The following MAD1L1 variants were observed in gnomAD, a reference collection of about 807,000 sequenced individuals.
MAD1L1 encodes mitotic spindle assembly checkpoint protein MAD1.
A neutral mutation model predicts 96.9 loss-of-function variants in MAD1L1; 95 were observed. The ratio of observed to expected loss-of-function variants is 0.98; its 90% confidence interval spans 0.83 to 1.16. MAD1L1 has a LOEUF of 1.16. Ranked by LOEUF, MAD1L1 falls within the 50% of genes most tolerant of loss-of-function variation. MAD1L1 has a pLI of 0.00. For synonymous variants in MAD1L1, 473 were observed against 396.6 expected, an observed-to-expected ratio of 1.19 and a Z score of -2.29; for missense variants, 1,007 against 954.4, an observed-to-expected ratio of 1.06 and a Z score of -0.73.
intron 18 of MAD1L1, chr7:1,838,591 C>A: frequency 2.7e-6 from 1 of 368,470 alleles, no homozygotes. Context: ...AGACCACTCG[C>A]CGCTGAGCCC....
intron 17 of MAD1L1, among the ~76,000 whole-genome samples, chr7:1,905,519 G>C (rs1213296668): frequency 6.7e-6 from 1 of 150,046 alleles, no homozygotes; most frequent in Non-Finnish European, 1.5e-5. Flanking sequence ...TCCAGGCAGC[G>C]AGGACACAGT....
At chr7:2,160,477 C>T (rs1286420284) in intron 10 of MAD1L1, among the ~76,000 whole-genome samples, 2 of 151,652 alleles carry the variant, frequency 1.3e-5, no homozygotes, top group East Asian at 2.0e-4. Flanking sequence ...GGACTACAGG[C>T]GCCCACCACC....
Position 2,069,286 on chromosome 7 carries a change from C to T in MAD1L1, c.1126G>A (p.Val376Ile). 1 of 1,610,390 alleles carries T rather than the reference C, an allele frequency of 6.2e-7. No individual in the cohort carries two copies. Among genetic ancestry groups the T allele is most frequent in the Non-Finnish European group, 8.5e-7 (1 of 1,179,364 alleles). ...CTCTCCTCCAACAGCTGGCCGCTGACCTGCCGGAGCTCCTCCTGCAGCTGC... is the reference window on the plus strand; with the variant it reads ...CTCTCCTCCAACAGCTGGCCGCTGATCTGCCGGAGCTCCTCCTGCAGCTGC... ...RQQLQEELRQ[V>I]SGQLLEERKK... is the part of the protein sequence containing the mutation. Residue 376 changes from valine to isoleucine, a missense_variant, in exon 12 of 19, where the codon GTC becomes ATC. Transcript: ENST00000265854.
chr7:2,059,945 C>A (rs1245842710), intron 12 of MAD1L1, among the ~76,000 whole-genome samples: 1 of 152,194 alleles, frequency 6.6e-6, no homozygotes, highest in Non-Finnish European at 1.5e-5. Flanking sequence ...ATGTAAGAAT[C>A]TACCCTAAAA....
At chr7:2,166,793 C>T (rs1277766657) in intron 10 of MAD1L1, among the ~76,000 whole-genome samples, 4 of 152,200 alleles carry the variant, frequency 2.6e-5, no homozygotes, top group African/African-American at 9.6e-5. Context: ...TGGCAGGGAG[C>T]TGCAGGGCCT....
intron 18 of MAD1L1, among the ~76,000 whole-genome samples, chr7:1,881,083 T>A (rs1031758003): frequency 4.6e-5 from 7 of 152,130 alleles, no homozygotes; most frequent in African/African-American, 1.7e-4. Context: ...AACTGCTCCA[T>A]TACATACCTG....
At chr7:2,194,110 A>ATT (rs1379769868) in intron 10 of MAD1L1, among the ~76,000 whole-genome samples, 2 of 151,414 alleles carry the variant, frequency 1.3e-5, no homozygotes, top group Admixed American at 1.3e-4. Context: ...TGCCTGGCTA[A>ATT]TTTTTTTGTG....
At chr7:2,042,775 C>T (rs1276729000) in intron 12 of MAD1L1, among the ~76,000 whole-genome samples, 20 of 152,192 alleles carry the variant, frequency 1.3e-4, no homozygotes, top group Admixed American at 7.9e-4. Context: ...AAGCAGATGC[C>T]GGCGCTGTGC....
chr7:2,221,109 AAGC>A, intron 5 of MAD1L1: 1 of 1,319,406 alleles, frequency 7.6e-7, no homozygotes. Context: ...TGACAGGCCA[AAGC>A]AGCAGCACCT....
intron 18 of MAD1L1, among the ~76,000 whole-genome samples, chr7:1,832,398 A>G (rs1391767478): frequency 6.6e-6 from 1 of 151,732 alleles, no homozygotes; most frequent in Non-Finnish European, 1.5e-5. Context: ...GTTTCTTGAG[A>G]TGGAATCTGC....
In MAD1L1 at chr7:2,169,765, CTGGGGG is replaced by C. The variant is rs879458694; in HGVS notation, c.987-20533_987-20528del. On this transcript the variant is annotated intron_variant, in intron 10 of 18. Coordinates refer to ENST00000265854, the MANE Select transcript of MAD1L1 (RefSeq NM_001013836.2). ...CCAGGACTGAGAGCACAAAGGCCCA[CTGGGGG>C]CACTCGGAGCAGGGGCTGGACCACA... Among the ~76,000 whole-genome samples the C allele has an allele frequency of 9.3e-4, 133 of 143,012 alleles. 2 individuals carry two copies. Among genetic ancestry groups the C allele is most frequent in the African/African-American group, 3.7e-3 (127 of 34,038 alleles). The allele number at this position is 143,012 out of a possible 152,430, so 93.8% of individuals were successfully genotyped here. A position where few individuals can be genotyped will look rare whatever the true frequency, so the allele number is the denominator to read the frequency against.
In MAD1L1 at chr7:2,103,268, G is replaced by A. The variant is rs1474336461; in HGVS notation, c.1074-33930C>T. Among the ~76,000 whole-genome samples the A allele has an allele frequency of 6.6e-6, 1 of 152,126 alleles. No individual in the cohort carries two copies. The highest frequency in any genetic ancestry group is 1.5e-5 in the Non-Finnish European group (1 of 68,018). ...CGGCCACGCTGAGGGCCGGGTCGCA[G>A]CCCAAGCCATGGCTGCCCCGACGGG... On this transcript the variant is annotated intron_variant, in intron 11 of 18. Coordinates refer to ENST00000265854, the MANE Select transcript of MAD1L1 (RefSeq NM_001013836.2). This position sits in a 1 kb window ranked among gnomAD's most constrained non-coding sequence, Gnocchi z 4.3.
chr7:1,985,324 G>A (rs1781089999), intron 14 of MAD1L1, among the ~76,000 whole-genome samples: 1 of 152,234 alleles, frequency 6.6e-6, no homozygotes, highest in African/African-American at 2.4e-5. Context: ...CCAGGACTGG[G>A]GCTTTCACCA....
At chr7:2,024,907 C>A (rs1292036893) in intron 12 of MAD1L1, among the ~76,000 whole-genome samples, 1 of 152,216 alleles carries the variant, frequency 6.6e-6, no homozygotes, top group Non-Finnish European at 1.5e-5. Flanking sequence ...TCTCCAAAAT[C>A]TCTTCCAGAG....
intron 17 of MAD1L1, among the ~76,000 whole-genome samples, chr7:1,912,331 C>A (rs1448954487): frequency 1.3e-5 from 2 of 152,214 alleles, no homozygotes; most frequent in East Asian, 3.8e-4. Context: ...TTTTGGGGAA[C>A]ATGAGCTGAG....
At chr7:2,041,858 A>G (rs1225003253) in intron 12 of MAD1L1, among the ~76,000 whole-genome samples, 1 of 151,846 alleles carries the variant, frequency 6.6e-6, no homozygotes, top group Non-Finnish European at 1.5e-5. Flanking sequence ...TGAACACAAA[A>G]CTCACTCAGG....
chr7:2,144,709 C>T (rs1487294933), intron 11 of MAD1L1, among the ~76,000 whole-genome samples: 1 of 152,108 alleles, frequency 6.6e-6, no homozygotes, highest in Admixed American at 6.5e-5. Flanking sequence ...TACAGGGCAG[C>T]CCCGGGGTGC....
chr7:2,030,358 G>A (rs982062860), intron 12 of MAD1L1, among the ~76,000 whole-genome samples: 18 of 152,200 alleles, frequency 1.2e-4, no homozygotes, highest in African/African-American at 3.4e-4. Flanking sequence ...CTGAATTAGA[G>A]GGCGATTGTA....
chr7:2,162,213 A>G (rs1562743191), intron 10 of MAD1L1, among the ~76,000 whole-genome samples: 2 of 152,254 alleles, frequency 1.3e-5, no homozygotes, highest in Non-Finnish European at 2.9e-5. Context: ...AAAGAAGTAG[A>G]CATGGGAGAC....
Sources: gnomAD v4.1 joint callset for allele counts (sites outside exome capture counted in the v4.1 genomes callset) on GRCh38, gnomAD v4.1.1 for gene constraint, Gnocchi (gnomAD v3.1) non-coding constraint, MANE v1.5 for transcripts, NCBI Gene and HGNC (gene_info 2026-07-23, HGNC 2026-07-21) for gene names.